DLEU7: variants seen among roughly 807,000 people sequenced by gnomAD.
The protein encoded by DLEU7 is leukemia-associated protein 7.
DLEU7 carries 17 observed loss-of-function variants against 16.0 expected under a neutral mutation model. The ratio of observed to expected loss-of-function variants is 1.06; its 90% CI spans 0.73 to 1.59. The LOEUF is 1.59. DLEU7 is among the 40% of genes most tolerant of loss of function. The pLI is 0.00. For synonymous variants in DLEU7, 113 were observed against 139.8 expected (o/e 0.81, Z 1.35); for missense variants, 308 against 314.9 (o/e 0.98, Z 0.17).
At chr13:50,734,598 C>A (rs1406344059) in intron 1 of DLEU7, among the ~76,000 whole-genome samples, 1 of 151,796 alleles carries the variant, frequency 6.6e-6, no homozygotes, top group Non-Finnish European at 1.5e-5. Flanking sequence ...TTTAGAAAAA[C>A]CTATGACCTT....
Position 50,843,223 on chromosome 13 carries a change from G to C in DLEU7, c.424C>G (p.Leu142Val), listed in dbSNP as rs1877730302. Residue 142 changes from leucine to valine, a missense_variant, in exon 1 of 2, where the codon CTC becomes GTC. Transcript: ENST00000504404. The surrounding 1 kb of genome is among the most constrained non-coding windows in gnomAD (Gnocchi z 5.7). The stretch of plus-strand genomic sequence containing the variant: ...ATGGGAAAGGACCGCTCCTGCTGGA[G>C]GGGCCCCAGCAGCGTCTGCTCCACG... Reference protein sequence around the residue: ...VSVEQTLLGPLQQERSFPIHL... With the variant: ...VSVEQTLLGPVQQERSFPIHL... 6.3e-7 allele frequency: 1 copy of C among 1,593,898 alleles called. No individual in the cohort carries two copies. The highest frequency in any genetic ancestry group is 1.7e-5 in the Admixed American group (1 of 58,750).
At chr13:50,809,347 G>C (rs1876492964) in intron 1 of DLEU7, among the ~76,000 whole-genome samples, 1 of 152,144 alleles carries the variant, frequency 6.6e-6, no homozygotes, top group Non-Finnish European at 1.5e-5. Flanking sequence ...AATCACATTA[G>C]GGACGTTGTA....
chr13:50,747,332 C>G (rs969535426), intron 1 of DLEU7, among the ~76,000 whole-genome samples: 2 of 137,706 alleles, frequency 1.5e-5, no homozygotes, highest in African/African-American at 2.7e-5. Flanking sequence ...AAGAAAAACT[C>G]TGTGTGTGTG....
At chr13:50,795,055 C>CAA (rs10639199) in intron 1 of DLEU7, among the ~76,000 whole-genome samples, 64,490 of 151,958 alleles carry the variant, frequency 0.42, 14,038 homozygotes, top group African/African-American at 0.52. Context: ...GGGTTGGCTT[C>CAA]AAAAACACAC....
intron 1 of DLEU7, among the ~76,000 whole-genome samples, chr13:50,797,258 G>C (rs944584760): frequency 1.3e-5 from 2 of 152,178 alleles, no homozygotes; most frequent in East Asian, 1.9e-4. Context: ...CTGGGGCCCA[G>C]TGGTAAGAAT....
intron 1 of DLEU7, among the ~76,000 whole-genome samples, chr13:50,768,450 G>C (rs1299817951): frequency 2.9e-5 from 3 of 105,050 alleles, no homozygotes; most frequent in African/African-American, 1.2e-4. Flanking sequence ...CTCACCCCAC[G>C]ACAGGCCCTG....
At chr13:50,773,030 T>C (rs1443045984) in intron 1 of DLEU7, among the ~76,000 whole-genome samples, 1 of 152,194 alleles carries the variant, frequency 6.6e-6, no homozygotes, top group Non-Finnish European at 1.5e-5. Flanking sequence ...CTACAGTCAC[T>C]GATACCCTTT....
intron 1 of DLEU7, among the ~76,000 whole-genome samples, chr13:50,775,362 T>TA (rs1465805552): frequency 5.9e-5 from 9 of 152,224 alleles, no homozygotes; most frequent in African/African-American, 2.2e-4. Flanking sequence ...TCCCTAGTCC[T>TA]GAGCCTTAAG....
intron 1 of DLEU7, among the ~76,000 whole-genome samples, chr13:50,724,019 C>G (rs889912908): frequency 4.0e-5 from 6 of 151,826 alleles, no homozygotes; most frequent in Non-Finnish European, 5.9e-5. Flanking sequence ...AAGTTTTATT[C>G]ACTGAGCATG....
intron 1 of DLEU7, among the ~76,000 whole-genome samples, chr13:50,799,182 A>G (rs914572930): frequency 6.6e-6 from 1 of 152,164 alleles, no homozygotes; most frequent in African/African-American, 2.4e-5. Flanking sequence ...AAGAAGTAAC[A>G]GTTTTATCCT....
At chr13:50,730,111 A>G (rs181302186) in intron 1 of DLEU7, among the ~76,000 whole-genome samples, 251 of 152,232 alleles carry the variant, frequency 1.6e-3, no homozygotes, top group African/African-American at 5.6e-3. Context: ...GATCATCATA[A>G]AGGTCTTTAT....
chr13:50,738,839 G>A (rs773568077), intron 1 of DLEU7, among the ~76,000 whole-genome samples: 7 of 152,172 alleles, frequency 4.6e-5, no homozygotes, highest in East Asian at 1.9e-4. Flanking sequence ...AAACTCATGC[G>A]ATGTTCATAA....
intron 1 of DLEU7, among the ~76,000 whole-genome samples, chr13:50,786,304 A>G (rs530288802): frequency 6.6e-6 from 1 of 152,326 alleles, no homozygotes; most frequent in East Asian, 1.9e-4. Flanking sequence ...TAAAGAAATG[A>G]CACAGCAAAT....
chr13:50,746,257 A>C (rs1874391570), intron 1 of DLEU7, among the ~76,000 whole-genome samples: 2 of 152,204 alleles, frequency 1.3e-5, no homozygotes, highest in South Asian at 4.1e-4. Context: ...TTTACAACCT[A>C]ATTTCATGTC....
chr13:50,749,991 G>T (rs931270822), intron 1 of DLEU7, among the ~76,000 whole-genome samples: 2 of 152,044 alleles, frequency 1.3e-5, no homozygotes, highest in African/African-American at 4.8e-5. Context: ...TTGGGTTCTT[G>T]GTCATGAAAT....
rs117000891 is a variant in DLEU7 at position 50,765,997 on chromosome 13, A to T, written c.460-52757T>A. Among the ~76,000 whole-genome samples the T allele has an allele frequency of 4.6e-5, 7 of 151,856 alleles. No homozygotes were observed. The East Asian group carries it at 1.4e-3, about 29-fold the overall frequency. ...ATTAGCTTTTGGACTTTTTCAGAAG[A>T]TTTCTTAAATGTACTCTTTAGTAGG... On this transcript the variant is annotated intron_variant, in intron 1 of 1. Coordinates refer to the DLEU7 transcript ENST00000400393.
intron 1 of DLEU7, among the ~76,000 whole-genome samples, chr13:50,762,208 A>AG (rs1874958508): frequency 6.6e-6 from 1 of 151,362 alleles, no homozygotes; most frequent in South Asian, 2.1e-4. Flanking sequence ...AAAAAAAAAA[A>AG]AAAGAAAAGA....
intron 1 of DLEU7, among the ~76,000 whole-genome samples, chr13:50,723,488 G>A (rs1044776325): frequency 1.1e-4 from 16 of 151,876 alleles, no homozygotes; most frequent in African/African-American, 3.6e-4. Context: ...ACCATAGGCG[G>A]GGTGGCTTAA....
intron 1 of DLEU7, among the ~76,000 whole-genome samples, chr13:50,743,178 C>A (rs640965): frequency 0.19 from 24,120 of 129,436 alleles, 3,016 homozygotes; most frequent in African/African-American, 0.39. Context: ...AAGAAAAAGG[C>A]AGGCAGGCAG....
Sources: allele counts gnomAD v4.1 joint callset (sites outside exome capture counted in the v4.1 genomes callset), GRCh38; gene constraint gnomAD v4.1.1; non-coding constraint Gnocchi (gnomAD v3.1); transcripts MANE v1.5; gene names NCBI Gene and HGNC (gene_info 2026-07-23, HGNC 2026-07-21).